LARP1: variants seen among roughly 807,000 people sequenced by gnomAD.
LARP1 encodes La ribonucleoprotein 1, translational regulator.
LARP1 carries 36 observed loss-of-function variants against 122.7 expected under a neutral mutation model. That is an observed-to-expected ratio of 0.29 (90% CI 0.22 to 0.39). The LOEUF is 0.39. Ranked by LOEUF, LARP1 falls within the 10% of genes least tolerant of loss-of-function variation. The pLI, the probability that LARP1 is intolerant of heterozygous loss-of-function variation, is 1.00. For synonymous variants in LARP1, 539 were observed against 528.7 expected (o/e 1.02, Z -0.27); for missense variants, 1,040 against 1,403.6 (o/e 0.74, Z 4.14).
At chr5:154,736,087 GT>G (rs1156876402) in intron 1 of LARP1, among the ~76,000 whole-genome samples, 1 of 150,322 alleles carries the variant, frequency 6.7e-6, no homozygotes, top group East Asian at 2.0e-4. Flanking sequence ...ACCCAGCTAA[GT>G]TTTTTAATTT....
intron 18 of LARP1, among the ~76,000 whole-genome samples, chr5:154,812,576 G>A (rs1487970704): frequency 1.5e-5 from 2 of 135,204 alleles, no homozygotes; most frequent in Non-Finnish European, 3.0e-5. Context: ...CTAGAGTGCA[G>A]TGGCACGATC....
Position 154,802,026 on chromosome 5 carries a change from T to C in LARP1, c.1736T>C (p.Phe579Ser), listed in dbSNP as rs1431194590. 3 of 1,612,948 alleles carry C rather than the reference T, an allele frequency of 1.9e-6. No individual in the cohort carries two copies. In the African/African-American group the frequency reaches 4.0e-5, roughly 22 times the overall value. ...TTTTAGAAGTCAGAGGAGTCCAGAT[T>C]TTCCCACCTGACCTCTCTGCCTCAG... ...ARPKKSEESR[F>S]SHLTSLPQQL... The change falls in exon 11 of 19, where the codon TTT (phenylalanine) becomes TCT (serine). Residue 579 changes from phenylalanine (F) to serine (S), a missense_variant. Phe to Ser is a radical substitution (Grantham distance 155). Around this residue, in one of 8 missense-constraint regions of LARP1, gnomAD observed 362 missense variants for 533.1 expected, o/e 0.68. Coordinates refer to ENST00000518297, the MANE Select transcript of LARP1 (RefSeq NM_033551.3). The surrounding 1 kb of genome is among the most constrained non-coding windows in gnomAD (Gnocchi z 5.1).
intron 1 of LARP1, among the ~76,000 whole-genome samples, chr5:154,788,686 G>C (rs1430609864): frequency 2.0e-5 from 3 of 151,928 alleles, no homozygotes; most frequent in East Asian, 3.9e-4. Flanking sequence ...TTTCAGAATG[G>C]TGTTGGGAAA....
chr5:154,781,167 A>G (rs543345182), intron 1 of LARP1, among the ~76,000 whole-genome samples: 1 of 152,310 alleles, frequency 6.6e-6, no homozygotes, highest in Non-Finnish European at 1.5e-5. Flanking sequence ...CATCAGGGTA[A>G]TGGAGTCAGG....
At chr5:154,749,038 C>T (rs531550660) in intron 1 of LARP1, among the ~76,000 whole-genome samples, 2 of 152,308 alleles carry the variant, frequency 1.3e-5, no homozygotes, top group East Asian at 1.9e-4. Flanking sequence ...TCCACTGTTG[C>T]TGGAGTGTAG....
At chr5:154,774,882 G>C (rs1187856369) in intron 1 of LARP1, among the ~76,000 whole-genome samples, 1 of 152,192 alleles carries the variant, frequency 6.6e-6, no homozygotes, top group Non-Finnish European at 1.5e-5. Context: ...CACCAGGGGG[G>C]ATCACAGTGC....
At chr5:154,747,562 C>T (rs183292892) in intron 1 of LARP1, among the ~76,000 whole-genome samples, 8 of 152,128 alleles carry the variant, frequency 5.3e-5, no homozygotes, top group Admixed American at 1.3e-4. Context: ...TAAAATTAGC[C>T]GGATGTGGTG....
upstream of LARP1, among the ~76,000 whole-genome samples, chr5:154,709,734 G>A (rs902703034): frequency 6.6e-6 from 1 of 151,488 alleles, no homozygotes; most frequent in Non-Finnish European, 1.5e-5. Context: ...ATAATGAGCG[G>A]GCCACGTATG....
chr5:154,778,326 A>T lies in LARP1; in HGVS notation c.437-11999A>T, dbSNP rs1255402395. On this transcript the variant is annotated intron_variant, in intron 1 of 18. Coordinates refer to ENST00000518297, the MANE Select transcript of LARP1 (RefSeq NM_033551.3). ...TAAATATGGTATTGTGGTTTTGGGT[A>T]CCCCTGTCAGTTTAACAGTTGAAAC... Among the ~76,000 whole-genome samples the T allele has an allele frequency of 4.0e-5, 6 of 151,564 alleles. No homozygotes were observed. In the East Asian group the frequency reaches 1.2e-3, roughly 29 times the overall value.
rs140223391 is a variant in LARP1 at position 154,739,489 on chromosome 5, G to A, written c.205+26359G>A. ...AATGAGATTAATTCCTCACATTTAT[G>A]TAGTATTTTTCACTTTTCAAAGCCT... On this transcript the variant is annotated intron_variant, in intron 1 of 18. Coordinates refer to the LARP1 transcript ENST00000336314. 3.5e-3 allele frequency among the ~76,000 whole-genome samples: 535 copies of A among 152,298 alleles called. 4 individuals are homozygous for A. Among genetic ancestry groups the A allele is most frequent in the African/African-American group, 0.012 (515 of 41,576 alleles).
chr5:154,711,841 A>C (rs1755238545), upstream of LARP1, among the ~76,000 whole-genome samples: 1 of 152,130 alleles, frequency 6.6e-6, no homozygotes, highest in South Asian at 2.1e-4. Context: ...CTGTGCATTG[A>C]ACACTCTTGC....
chr5:154,793,390 C>T (rs576213275), intron 4 of LARP1, among the ~76,000 whole-genome samples: 6 of 152,232 alleles, frequency 3.9e-5, no homozygotes, highest in Non-Finnish European at 7.4e-5. Context: ...TGGGAGTTAA[C>T]GAGGAGTCTC....
intron 1 of LARP1, among the ~76,000 whole-genome samples, chr5:154,780,619 T>G (rs1173404632): frequency 6.6e-6 from 1 of 152,254 alleles, no homozygotes; most frequent in Non-Finnish European, 1.5e-5. Flanking sequence ...TTTTTCTGTA[T>G]GTACAATGAG....
intron 1 of LARP1, among the ~76,000 whole-genome samples, chr5:154,691,760 G>A (rs1754224171): frequency 6.6e-6 from 1 of 151,792 alleles, no homozygotes; most frequent in South Asian, 2.1e-4. Flanking sequence ...TAGGGCCGCG[G>A]GTGAGCGTTG....
At chr5:154,694,402 C>T (rs1754373550) in intron 1 of LARP1, among the ~76,000 whole-genome samples, 1 of 148,008 alleles carries the variant, frequency 6.8e-6, no homozygotes, top group African/African-American at 2.6e-5. Flanking sequence ...ACTATAGGTG[C>T]AAGACATCAT....
At chr5:154,769,518 G>T (rs1755231161) in intron 1 of LARP1, among the ~76,000 whole-genome samples, 1 of 152,230 alleles carries the variant, frequency 6.6e-6, no homozygotes, top group South Asian at 2.1e-4. Context: ...CTCAATAGAG[G>T]TGAGGTAGGG....
At chr5:154,698,368 G>C (rs1431725850) in intron 1 of LARP1, among the ~76,000 whole-genome samples, 1 of 152,114 alleles carries the variant, frequency 6.6e-6, no homozygotes, top group African/African-American at 2.4e-5. Flanking sequence ...AGGCCGAGGA[G>C]GGTGGATCAC....
intron 14 of LARP1, chr5:154,804,962 C>G (rs947375221): frequency 9.7e-5 from 44 of 454,740 alleles, no homozygotes; most frequent in Non-Finnish European, 1.7e-4. Flanking sequence ...AGTTGAAAAT[C>G]CGTGTATAAC....
At chr5:154,785,997 A>G (rs1756847919) in intron 1 of LARP1, among the ~76,000 whole-genome samples, 2 of 152,270 alleles carry the variant, frequency 1.3e-5, no homozygotes, top group South Asian at 4.1e-4. Flanking sequence ...AGTGTTCTCA[A>G]CACCACCATA....
Sources: allele counts gnomAD v4.1 joint callset (sites outside exome capture counted in the v4.1 genomes callset), GRCh38; gene constraint gnomAD v4.1.1; regional missense constraint gnomAD v4.1.1; non-coding constraint Gnocchi (gnomAD v3.1); transcripts MANE v1.5; gene names NCBI Gene and HGNC (gene_info 2026-07-23, HGNC 2026-07-21).